The following ATP2C1 variants were observed in gnomAD, a reference collection of about 807,000 sequenced individuals.
ATP2C1 encodes calcium-transporting ATPase type 2C member 1.
ATP2C1 carries 31 observed loss-of-function variants against 120.5 expected under a neutral mutation model. The observed-to-expected ratio is 0.26, with a 90% CI of 0.19 to 0.35. The LOEUF is 0.35. Among genes scored for constraint, ATP2C1 ranks in the 10% least tolerant of loss-of-function variants. The pLI, the probability that ATP2C1 is intolerant of heterozygous loss-of-function variation, is 1.00. For synonymous variants in ATP2C1, 351 were observed against 358.7 expected (o/e 0.98, Z 0.24); for missense variants, 731 against 1,107.5 (o/e 0.66, Z 4.83).
At chr3:130,977,751 T>C (rs796256309) in intron 18 of ATP2C1, among the ~76,000 whole-genome samples, 2 of 152,324 alleles carry the variant, frequency 1.3e-5, no homozygotes, top group African/African-American at 4.8e-5. Flanking sequence ...TGTCTCTTGC[T>C]TCATGTCTTT....
At chr3:130,895,393 T>C (rs1374427055) in intron 2 of ATP2C1, among the ~76,000 whole-genome samples, 1 of 152,230 alleles carries the variant, frequency 6.6e-6, no homozygotes, top group Non-Finnish European at 1.5e-5. Flanking sequence ...TTGGACACAT[T>C]AGATCGTCAT....
intron 1 of ATP2C1, among the ~76,000 whole-genome samples, chr3:130,879,330 G>A (rs1263058941): frequency 1.3e-5 from 2 of 152,002 alleles, no homozygotes; most frequent in Non-Finnish European, 2.9e-5. Context: ...GCCTCCCAAA[G>A]TGCTGGGATT....
intron 9 of ATP2C1, among the ~76,000 whole-genome samples, chr3:130,954,184 G>C (rs1043962344): frequency 3.9e-5 from 6 of 152,134 alleles, no homozygotes; most frequent in Non-Finnish European, 8.8e-5. Flanking sequence ...CCAGATAATG[G>C]ATAATCCTCA....
intron 12 of ATP2C1, chr3:130,963,241 T>C (rs997771502): frequency 6.6e-6 from 1 of 152,112 alleles, no homozygotes; most frequent in Non-Finnish European, 1.5e-5. Flanking sequence ...TGTTAACCGC[T>C]ATCTAGATTC....
At position 131,002,839 on chromosome 3, in the gene ATP2C1, A is replaced by C. The variant is rs2062954365; in HGVS notation, c.*1489A>C. 1.0e-6 allele frequency: 1 copy of C among 985,802 alleles called. No homozygotes were observed. Among genetic ancestry groups the C allele is most frequent in the Non-Finnish European group, 1.2e-6 (1 of 829,916 alleles). The allele number at this position is 985,802 out of a possible 1,614,324, so 61.1% of individuals were successfully genotyped here. On this transcript the variant is annotated 3_prime_UTR_variant, in exon 28 of 28. Coordinates refer to ENST00000510168, the MANE Select transcript of ATP2C1 (RefSeq NM_001378687.1). ...TGAGTCATTGTTACTGAGGCAGTTG[A>C]GTGTAAGGAGCTGGCTGCAGTTTAT...
At chr3:130,947,197 G>A (rs761822320) in intron 8 of ATP2C1, among the ~76,000 whole-genome samples, 5 of 151,934 alleles carry the variant, frequency 3.3e-5, no homozygotes, top group African/African-American at 9.7e-5. Context: ...CTGAGATTAC[G>A]CATACTTAAC....
At chr3:130,996,622 TC>T in intron 23 of ATP2C1, 57 bp from the exon 24 acceptor site, 3 of 1,112,236 alleles carry the variant, frequency 2.7e-6, no homozygotes, top group Non-Finnish European at 4.2e-6. Context: ...AAAAGTGGTA[TC>T]ATAGAATCAA....
intron 1 of ATP2C1, among the ~76,000 whole-genome samples, chr3:130,875,921 A>C (rs1343226479): frequency 6.6e-6 from 1 of 150,492 alleles, no homozygotes; most frequent in Non-Finnish European, 1.5e-5. Flanking sequence ...ATTTGCTTTG[A>C]GAAGTGTCTT....
chr3:130,941,546 G>C, intron 7 of ATP2C1, 45 bp from the exon 8 acceptor site: 2 of 1,476,874 alleles, frequency 1.4e-6, no homozygotes, highest in Non-Finnish European at 1.9e-6. Flanking sequence ...CAAGTTGCAT[G>C]AATTTTTTTT....
At chr3:131,013,596 C>G (rs927538) in intron 26 of ATP2C1, among the ~76,000 whole-genome samples, 1 of 152,222 alleles carries the variant, frequency 6.6e-6, no homozygotes. Flanking sequence ...TAAGTACTTA[C>G]TTTTAGTAGA....
In ATP2C1 at chr3:130,996,147, T is replaced by C. The variant is rs375541703; in HGVS notation, c.2126+36T>C. On this transcript the variant is annotated intron_variant, in intron 23 of 27. Transcript: ENST00000510168. The stretch of plus-strand genomic sequence containing the variant: ...AAGAAATTTGTCACCATGGGTCTTC[T>C]GGATAAATTATATGAAAAGTAGAAC... 1.1e-5 allele frequency: 15 copies of C among 1,418,258 alleles called. No individual in the cohort carries two copies. The African/African-American group carries it at 1.8e-4, about 17-fold the overall frequency. The allele number at this position is 1,418,258 out of a possible 1,614,324, so 87.9% of individuals were successfully genotyped here. A position where few individuals can be genotyped will look rare whatever the true frequency, so the allele number is the denominator to read the frequency against.
chr3:130,898,632 G>A (rs925500920), intron 2 of ATP2C1, among the ~76,000 whole-genome samples: 6 of 152,222 alleles, frequency 3.9e-5, no homozygotes, highest in South Asian at 4.2e-4. Flanking sequence ...GAGAGTACTT[G>A]TATGCAATAA....
intron 8 of ATP2C1, among the ~76,000 whole-genome samples, chr3:130,951,558 A>G (rs1196189192): frequency 1.5e-4 from 23 of 152,188 alleles, no homozygotes; most frequent in South Asian, 4.1e-4. Flanking sequence ...TTGCTAATAA[A>G]TGTGTTAGTG....
intron 2 of ATP2C1, among the ~76,000 whole-genome samples, chr3:130,908,582 C>T (rs2058251276): frequency 6.6e-6 from 1 of 152,058 alleles, no homozygotes; most frequent in African/African-American, 2.4e-5. Flanking sequence ...CTGGAAATCT[C>T]ATTAAATCCT....
At position 131,012,265 on chromosome 3, in the gene ATP2C1, T is replaced by TC. The variant is rs558039298; in HGVS notation, c.2630-3887_2630-3886insC. On this transcript the variant is annotated intron_variant, in intron 26 of 26. Coordinates refer to the ATP2C1 transcript ENST00000328560. The stretch of plus-strand genomic sequence containing the variant: ...TTACATGGTTTTTCTTTTTTCTTTT[T>TC]TTTTTTTTTTTTGAGACAGTCTTGC... Among the ~76,000 whole-genome samples, 797 of 148,474 alleles carry TC rather than the reference T, an allele frequency of 5.4e-3. 4 individuals are homozygous for TC. Among genetic ancestry groups the TC allele is most frequent in the Middle Eastern group, 0.024 (7 of 294 alleles).
chr3:130,896,311 T>A (rs1423807567), intron 2 of ATP2C1, among the ~76,000 whole-genome samples: 1 of 152,152 alleles, frequency 6.6e-6, no homozygotes, highest in Non-Finnish European at 1.5e-5. Flanking sequence ...GGTTGTGAGA[T>A]AGGAGAATGG....
intron 2 of ATP2C1, among the ~76,000 whole-genome samples, chr3:130,918,048 C>G (rs528072944): frequency 6.6e-6 from 1 of 151,618 alleles, no homozygotes; most frequent in Non-Finnish European, 1.5e-5. Context: ...GCGAATAAAG[C>G]AAAAGGATAA....
At position 130,894,892 on chromosome 3, in the gene ATP2C1, T is replaced by C; in HGVS notation, c.6+117T>C. 1 of 1,111,438 alleles carries C rather than the reference T, an allele frequency of 9.0e-7. No individual in the cohort carries two copies. The highest frequency in any genetic ancestry group is 1.2e-5 in the South Asian group (1 of 80,888). 68.8% of individuals were successfully genotyped at this position (1,111,438 alleles called of 1,614,324 possible). Reference sequence around the variant, plus strand: ...CGTGAGCTTATTTATTTACTGTGTATGTGAAGTGTCCAAGGATTTGCTTAC... The same window carrying C: ...CGTGAGCTTATTTATTTACTGTGTACGTGAAGTGTCCAAGGATTTGCTTAC... On this transcript the variant is annotated intron_variant, in intron 2 of 27. Coordinates refer to ENST00000510168, the MANE Select transcript of ATP2C1 (RefSeq NM_001378687.1). This position sits in a 1 kb window ranked among gnomAD's most constrained non-coding sequence, Gnocchi z 4.5.
intron 2 of ATP2C1, among the ~76,000 whole-genome samples, chr3:130,917,354 A>T (rs2058733949): frequency 6.6e-6 from 1 of 152,260 alleles, no homozygotes. Flanking sequence ...CTTAACTACC[A>T]GGTAAAAGAC....
Sources: allele counts gnomAD v4.1 joint callset (sites outside exome capture counted in the v4.1 genomes callset), GRCh38; gene constraint gnomAD v4.1.1; non-coding constraint Gnocchi (gnomAD v3.1); transcripts MANE v1.5; gene names NCBI Gene and HGNC (gene_info 2026-07-23, HGNC 2026-07-21).